MKLN1: variants seen among roughly 807,000 people sequenced by gnomAD.
MKLN1 encodes muskelin 1.
Under a neutral mutation model 99.0 loss-of-function variants are expected in MKLN1, and 18 were observed. The ratio of observed to expected loss-of-function variants is 0.18; its 90% CI spans 0.13 to 0.27. The LOEUF is 0.27. Among genes scored for constraint, MKLN1 ranks in the 10% least tolerant of loss-of-function variants. The pLI is 1.00. For synonymous variants in MKLN1, 288 were observed against 293.2 expected, an observed-to-expected ratio of 0.98 and a Z score of 0.18; for missense variants, 621 against 875.9, an observed-to-expected ratio of 0.71 and a Z score of 3.67.
intron 3 of MKLN1, among the ~76,000 whole-genome samples, chr7:131,283,738 GA>G (rs1158319471): frequency 2.0e-5 from 3 of 152,182 alleles, no homozygotes; most frequent in African/African-American, 4.8e-5. Context: ...GCCCGGCCGA[GA>G]AGGCCCTTTC....
At chr7:131,112,925 A>C (rs1795220385) in intron 1 of MKLN1, among the ~76,000 whole-genome samples, 1 of 152,174 alleles carries the variant, frequency 6.6e-6, no homozygotes, top group Admixed American at 6.5e-5. Flanking sequence ...GAAATGTGAG[A>C]TTTGTGCCAG....
chr7:131,283,338 CCCTTCCCCTCCTTCCTTCCTTCCTT>C (rs1489699016), intron 3 of MKLN1, among the ~76,000 whole-genome samples: 26 of 57,974 alleles, frequency 4.5e-4, no homozygotes, highest in African/African-American at 1.2e-3. Flanking sequence ...TCCTTCCCTT[CCCTTCCCCTCCTTCCTTCCTTCCTT>C]CCTTCCTTCC....
chr7:131,320,822 T>C (rs2116660763), intron 3 of MKLN1, among the ~76,000 whole-genome samples: 1 of 152,240 alleles, frequency 6.6e-6, no homozygotes, highest in African/African-American at 2.4e-5. Flanking sequence ...AACAAACATA[T>C]GAAAAATAGC....
chr7:131,403,417 C>A (rs956242998), intron 6 of MKLN1, among the ~76,000 whole-genome samples: 1 of 152,164 alleles, frequency 6.6e-6, no homozygotes, highest in Non-Finnish European at 1.5e-5. Context: ...CTCTAACTTT[C>A]TCCATATTAA....
At position 131,428,014 on chromosome 7, in the gene MKLN1, A is replaced by C. The variant is rs189675449; in HGVS notation, c.848-1019A>C. Reference sequence around the variant, plus strand: ...CCCTGTCTGTAACCCCCACCCCCCCAAAAAAAGTTAGCTGGGCATGGTGGC... The same window carrying C: ...CCCTGTCTGTAACCCCCACCCCCCCCAAAAAAGTTAGCTGGGCATGGTGGC... On this transcript the variant is annotated intron_variant, in intron 8 of 17. Coordinates refer to ENST00000352689, the MANE Select transcript of MKLN1 (RefSeq NM_013255.5). 9.1e-4 allele frequency among the ~76,000 whole-genome samples: 138 copies of C among 151,938 alleles called. No homozygotes were observed. The East Asian group carries it at 0.024, about 27-fold the overall frequency.
chr7:131,387,080 T>TA lies in MKLN1; in HGVS notation c.169-37dup, dbSNP rs748516077. On this transcript the variant is annotated intron_variant, in intron 2 of 17. Transcript: ENST00000352689. ...TTTTAAAGTTGTCTAACATTTGTTT[T>TA]AAACAGAAGAGGATATAATTTGGTC... is the stretch of plus-strand genomic sequence containing the variant. 1.1e-5 allele frequency: 17 copies of TA among 1,540,902 alleles called. No homozygotes were observed. In the Admixed American group the frequency reaches 3.6e-4, roughly 32 times the overall value.
At chr7:131,475,145 A>G (rs1186994822) in intron 16 of MKLN1, among the ~76,000 whole-genome samples, 1 of 152,212 alleles carries the variant, frequency 6.6e-6, no homozygotes, top group Non-Finnish European at 1.5e-5. Context: ...AAAAGTGAAA[A>G]CATAAATTAT....
At chr7:131,179,843 G>T (rs1281639203) in intron 2 of MKLN1, among the ~76,000 whole-genome samples, 1 of 151,850 alleles carries the variant, frequency 6.6e-6, no homozygotes, top group South Asian at 2.1e-4. Flanking sequence ...CAAAATGCTG[G>T]CATTACAGGC....
In MKLN1 at chr7:131,492,734, C is replaced by CA. The variant is rs3079482; in HGVS notation, c.*5025dup. ...TGGGCAACAGAGCAAGACCCTGTCT[C>CA]AAAAAAAAAAAAAAAAAAAGAATGT... is the stretch of plus-strand genomic sequence containing the variant. On this transcript the variant is annotated 3_prime_UTR_variant, in exon 18 of 18. Coordinates refer to ENST00000352689, the MANE Select transcript of MKLN1 (RefSeq NM_013255.5). 4,872 of 117,146 alleles carry CA rather than the reference C, an allele frequency of 0.042. 250 individuals are homozygous for CA. Among genetic ancestry groups the CA allele is most frequent in the African/African-American group, 0.11 (3,236 of 30,462 alleles). 7.3% of individuals were successfully genotyped at this position (117,146 alleles called of 1,614,324 possible). A position where few individuals can be genotyped will look rare whatever the true frequency, so the allele number is the denominator to read the frequency against.
chr7:131,233,906 A>G (rs1423037473), intron 3 of MKLN1, among the ~76,000 whole-genome samples: 1 of 152,138 alleles, frequency 6.6e-6, no homozygotes, highest in African/African-American at 2.4e-5. Context: ...TAAGGCATTT[A>G]TTTTCAGAAA....
intron 3 of MKLN1, among the ~76,000 whole-genome samples, chr7:131,314,510 C>T (rs201774578): frequency 6.6e-6 from 1 of 152,102 alleles, no homozygotes; most frequent in Non-Finnish European, 1.5e-5. Flanking sequence ...GCAAGCTCCG[C>T]GTCCCAGGTT....
chr7:131,219,086 A>G (rs900718841), intron 3 of MKLN1, among the ~76,000 whole-genome samples: 2 of 152,224 alleles, frequency 1.3e-5, no homozygotes, highest in African/African-American at 4.8e-5. Flanking sequence ...TAATGGGTAC[A>G]AAGCTTCAGT....
intron 1 of MKLN1, among the ~76,000 whole-genome samples, chr7:131,343,620 G>A (rs1426255169): frequency 6.6e-6 from 1 of 152,022 alleles, no homozygotes. Context: ...CATATCAGAA[G>A]ATAACAAGCA....
chr7:131,140,954 G>A (rs1457132212), intron 1 of MKLN1, among the ~76,000 whole-genome samples: 1 of 151,824 alleles, frequency 6.6e-6, no homozygotes, highest in East Asian at 1.9e-4. Context: ...TAATTTTTTT[G>A]TCTGTATTTT....
At chr7:131,412,925 C>T (rs949405953) in intron 7 of MKLN1, among the ~76,000 whole-genome samples, 4 of 152,132 alleles carry the variant, frequency 2.6e-5, no homozygotes, top group African/African-American at 9.7e-5. Context: ...GTTACATGAA[C>T]ATCATTCTCC....
intron 9 of MKLN1, among the ~76,000 whole-genome samples, chr7:131,435,029 A>G (rs187320163): frequency 5.3e-5 from 8 of 152,312 alleles, no homozygotes; most frequent in African/African-American, 1.9e-4. Context: ...TCAGATTGAA[A>G]GTCTTTCTAT....
intron 3 of MKLN1, among the ~76,000 whole-genome samples, chr7:131,307,766 A>C (rs1798489900): frequency 6.6e-6 from 1 of 152,144 alleles, no homozygotes; most frequent in African/African-American, 2.4e-5. Flanking sequence ...TTTTTATTTT[A>C]CAGGCTCCTA....
intron 1 of MKLN1, chr7:131,328,281 T>G: frequency 2.5e-6 from 1 of 397,798 alleles, no homozygotes. Flanking sequence ...GCTTGGGATT[T>G]GGGGGTTGAG....
chr7:131,389,058 C>T (rs896464412), intron 4 of MKLN1, 86 bp downstream of exon 4: 19 of 757,458 alleles, frequency 2.5e-5, no homozygotes, highest in Non-Finnish European at 3.5e-5. Context: ...TCCTGCAGGC[C>T]TCTTGTTTTT....
Sources: allele counts gnomAD v4.1 joint callset (sites outside exome capture counted in the v4.1 genomes callset), GRCh38; gene constraint gnomAD v4.1.1; transcripts MANE v1.5; gene names NCBI Gene and HGNC (gene_info 2026-07-23, HGNC 2026-07-21).